Variants in PIP5K1B observed in about 807,000 individuals in gnomAD.
PIP5K1B encodes the protein phosphatidylinositol 4-phosphate 5-kinase type-1 beta.
Under a neutral mutation model 67.0 loss-of-function variants are expected in PIP5K1B, and 42 were observed. The observed-to-expected ratio is 0.63, with a 90% CI of 0.49 to 0.81. The LOEUF (loss-of-function observed/expected upper bound fraction) is 0.81. Ranked by LOEUF, PIP5K1B falls within the 30% of genes least tolerant of loss-of-function variation. PIP5K1B has a pLI of 0.00. For missense variants in PIP5K1B, 459 were observed against 646.3 expected (o/e 0.71, Z 3.14); for synonymous variants, 214 against 231.4 (o/e 0.92, Z 0.68).
chr9:68,883,139 GA>G (rs1381404211), intron 6 of PIP5K1B, among the ~76,000 whole-genome samples: 1 of 152,150 alleles, frequency 6.6e-6, no homozygotes, highest in Non-Finnish European at 1.5e-5. Flanking sequence ...TTTTAGAAAT[GA>G]AACTTCTAAA....
intron 12 of PIP5K1B, among the ~76,000 whole-genome samples, chr9:68,931,454 C>T (rs891753719): frequency 2.0e-5 from 3 of 151,984 alleles, no homozygotes; most frequent in Admixed American, 6.6e-5. Context: ...TCTTTTGAGC[C>T]GGAGATTGAA....
chr9:68,883,727 A>T (rs1314529287), intron 6 of PIP5K1B, among the ~76,000 whole-genome samples: 1 of 152,108 alleles, frequency 6.6e-6, no homozygotes, highest in Non-Finnish European at 1.5e-5. Context: ...CATCCTCAAG[A>T]TATGGCTGTT....
At chr9:68,949,954 G>C (rs1490656648) in intron 14 of PIP5K1B, among the ~76,000 whole-genome samples, 2 of 152,228 alleles carry the variant, frequency 1.3e-5, no homozygotes, top group Non-Finnish European at 1.5e-5. Context: ...GTAAACTATG[G>C]TTGGTTTACA....
chr9:68,867,329 T>G (rs1176002037), intron 5 of PIP5K1B, among the ~76,000 whole-genome samples: 4 of 152,250 alleles, frequency 2.6e-5, no homozygotes, highest in Admixed American at 2.6e-4. Context: ...CAGCAGATGC[T>G]ATCTTGTTTG....
intron 12 of PIP5K1B, among the ~76,000 whole-genome samples, chr9:68,932,777 A>T (rs1027430885): frequency 1.3e-5 from 2 of 152,064 alleles, no homozygotes; most frequent in Non-Finnish European, 2.9e-5. Flanking sequence ...CTTAGTTTCC[A>T]CCCCACATCT....
At chr9:68,877,377 G>A (rs1823949734) in intron 6 of PIP5K1B, among the ~76,000 whole-genome samples, 1 of 152,186 alleles carries the variant, frequency 6.6e-6, no homozygotes, top group African/African-American at 2.4e-5. Context: ...TTTTGTAAGA[G>A]GTAGTCTGAT....
chr9:68,828,271 T>C (rs1587515007), intron 4 of PIP5K1B, among the ~76,000 whole-genome samples: 1 of 152,334 alleles, frequency 6.6e-6, no homozygotes, highest in East Asian at 1.9e-4. Flanking sequence ...ATTCTGGTTT[T>C]GATGACCGCA....
intron 4 of PIP5K1B, among the ~76,000 whole-genome samples, chr9:68,834,689 G>A (rs1044623139): frequency 6.6e-6 from 1 of 152,172 alleles, no homozygotes. Context: ...GGGCTGGGGG[G>A]CTGAAGAGGG....
chr9:68,729,568 G>T (rs1828318334), intron 1 of PIP5K1B, among the ~76,000 whole-genome samples: 1 of 152,070 alleles, frequency 6.6e-6, no homozygotes, highest in South Asian at 2.1e-4. Context: ...CACACATAAT[G>T]GTCAGTATCC....
At chr9:68,735,442 A>C (rs545507954) in intron 1 of PIP5K1B, among the ~76,000 whole-genome samples, 1 of 135,394 alleles carries the variant, frequency 7.4e-6, no homozygotes, top group South Asian at 2.3e-4. Context: ...TTATAAGTTG[A>C]CCTCCTCTTG....
In PIP5K1B at chr9:68,804,590, T is replaced by C. The variant is rs1028023798; in HGVS notation, c.-85-13871T>C. Among the ~76,000 whole-genome samples, 6 of 20,970 alleles carry C rather than the reference T, an allele frequency of 2.9e-4. 1 individual carries two copies. Among genetic ancestry groups the C allele is most frequent in the African/African-American group, 8.9e-4 (6 of 6,730 alleles). 13.8% of individuals were successfully genotyped at this position (20,970 alleles called of 152,430 possible). On this transcript the variant is annotated intron_variant, in intron 2 of 15. Coordinates refer to ENST00000265382, the MANE Select transcript of PIP5K1B (RefSeq NM_003558.4). ...ATATTTTATTCTTCTAGTTTTCAAT[T>C]TTTTTTTTTTTTTTTTTGAGAGACA...
At chr9:69,002,455 A>G (rs1587791033) in intron 15 of PIP5K1B, among the ~76,000 whole-genome samples, 2 of 152,268 alleles carry the variant, frequency 1.3e-5, no homozygotes, top group African/African-American at 4.8e-5. Flanking sequence ...TAGCACGTGT[A>G]TTTGTTTCCA....
chr9:68,844,378 G>A (rs1318588203), intron 4 of PIP5K1B, among the ~76,000 whole-genome samples: 1 of 152,182 alleles, frequency 6.6e-6, no homozygotes, highest in East Asian at 1.9e-4. Flanking sequence ...GGGGAAGGAA[G>A]CAGCCCTCTA....
rs567354644 is a variant in PIP5K1B, at chr9:68,988,789, C to A, written c.1503-2351C>A. Among the ~76,000 whole-genome samples, 47 of 150,374 alleles carry A rather than the reference C, an allele frequency of 3.1e-4. No homozygotes were observed. In the South Asian group the frequency reaches 0.01, roughly 32 times the overall value. On this transcript the variant is annotated intron_variant, in intron 14 of 15. Transcript: ENST00000265382. The stretch of plus-strand genomic sequence containing the variant: ...TGTAATCAGGAAAAATACAAGTGAA[C>A]CTTACTTCTTAAGATCTACACAATT...
At chr9:68,861,949 A>G (rs1228058012) in intron 4 of PIP5K1B, among the ~76,000 whole-genome samples, 2 of 151,030 alleles carry the variant, frequency 1.3e-5, no homozygotes, top group Non-Finnish European at 1.5e-5. Context: ...CTTAAGTCTT[A>G]GTCTTTTGCC....
chr9:68,978,619 A>G (rs1829743226), intron 14 of PIP5K1B, among the ~76,000 whole-genome samples: 1 of 152,238 alleles, frequency 6.6e-6, no homozygotes, highest in Non-Finnish European at 1.5e-5. Context: ...AGCACTTGGA[A>G]TGAAGTAGGC....
chr9:68,746,279 A>G (rs891292928), intron 2 of PIP5K1B, among the ~76,000 whole-genome samples: 18 of 151,824 alleles, frequency 1.2e-4, no homozygotes, highest in African/African-American at 4.1e-4. Flanking sequence ...GGGTTTTGCT[A>G]TGTTGGCCAG....
At chr9:68,992,825 G>C (rs1830436833) in intron 15 of PIP5K1B, among the ~76,000 whole-genome samples, 1 of 110,162 alleles carries the variant, frequency 9.1e-6, no homozygotes. Flanking sequence ...AGGCAACAGA[G>C]CATGACCCTG....
intron 6 of PIP5K1B, among the ~76,000 whole-genome samples, chr9:68,886,354 A>C (rs1196440761): frequency 6.6e-6 from 1 of 152,112 alleles, no homozygotes; most frequent in East Asian, 1.9e-4. Flanking sequence ...AAAACCAAAA[A>C]CAGACTTCTT....
Sources: gnomAD v4.1 joint callset for allele counts (sites outside exome capture counted in the v4.1 genomes callset) on GRCh38, gnomAD v4.1.1 for gene constraint, MANE v1.5 for transcripts, NCBI Gene and HGNC (gene_info 2026-07-23, HGNC 2026-07-21) for gene names.